The following PGBD5 variants were observed in gnomAD, a reference collection of about 807,000 sequenced individuals.
The protein encoded by PGBD5 is piggyBac transposable element-derived protein 5.
In PGBD5, 14 loss-of-function variants were observed where a neutral mutation model predicts 47.9. The ratio of observed to expected loss-of-function variants is 0.29; its 90% CI spans 0.19 to 0.46. The LOEUF is 0.46. Ranked by LOEUF, PGBD5 falls within the 20% of genes least tolerant of loss-of-function variation. PGBD5 has a pLI of 1.00. For missense variants in PGBD5, 635 were observed against 716.0 expected (o/e 0.89, Z 1.29); for synonymous variants, 316 against 306.3 (o/e 1.03, Z -0.33).
intron 1 of PGBD5, among the ~76,000 whole-genome samples, chr1:230,422,091 A>AACAC (rs1049190488): frequency 6.6e-6 from 1 of 152,038 alleles, no homozygotes; most frequent in Non-Finnish European, 1.5e-5. Context: ...ATGGGGGGAA[A>AACAC]ACACACACAT....
chr1:230,337,439 T>C lies in PGBD5; in HGVS notation c.895-151A>G, dbSNP rs1289634844. ...TCATCTTTTCAGCTCACAGGGACTCTAGGTCACCCCCAAGCACACCCCGTG... is the reference window on the plus strand; with the variant it reads ...TCATCTTTTCAGCTCACAGGGACTCCAGGTCACCCCCAAGCACACCCCGTG... On this transcript the variant is annotated intron_variant, in intron 3 of 6. Coordinates refer to ENST00000391860, the MANE Select transcript of PGBD5 (RefSeq NM_001258311.2). 3 of 792,724 alleles carry C rather than the reference T, an allele frequency of 3.8e-6. No homozygotes were observed. The African/African-American group carries it at 5.3e-5, about 14-fold the overall frequency. 49.1% of individuals were successfully genotyped at this position (792,724 alleles called of 1,614,324 possible).
chr1:230,355,868 A>C (rs1037452484), intron 2 of PGBD5, among the ~76,000 whole-genome samples: 7 of 152,204 alleles, frequency 4.6e-5, no homozygotes, highest in Non-Finnish European at 8.8e-5. Flanking sequence ...AGAACGATCC[A>C]GAGAGAATGT....
At chr1:230,398,634 CAG>C (rs1453637919) in intron 1 of PGBD5, among the ~76,000 whole-genome samples, 1 of 152,218 alleles carries the variant, frequency 6.6e-6, no homozygotes, top group Non-Finnish European at 1.5e-5. Flanking sequence ...GAACTAGAGA[CAG>C]GGGTCTTGGG....
chr1:230,388,559 G>A (rs1195451980), intron 1 of PGBD5, among the ~76,000 whole-genome samples: 1 of 152,096 alleles, frequency 6.6e-6, no homozygotes, highest in Non-Finnish European at 1.5e-5. Flanking sequence ...GGGACTACAG[G>A]CGCCCGCCAC....
intron 1 of PGBD5, among the ~76,000 whole-genome samples, chr1:230,367,532 T>A (rs1048458547): frequency 6.6e-6 from 1 of 151,690 alleles, no homozygotes; most frequent in African/African-American, 2.4e-5. Flanking sequence ...TGATACCCCA[T>A]CTCTACACAC....
chr1:230,394,427 T>C (rs1230670704), intron 1 of PGBD5, among the ~76,000 whole-genome samples: 1 of 142,278 alleles, frequency 7.0e-6, no homozygotes, highest in Non-Finnish European at 1.5e-5. Flanking sequence ...ACCCCACCTC[T>C]GCTCCCCAAG....
At chr1:230,325,558 G>C (rs1328972781) in intron 5 of PGBD5, 143 bp from the exon 6 acceptor site, 1 of 651,456 alleles carries the variant, frequency 1.5e-6, no homozygotes, top group Non-Finnish European at 2.7e-6. Flanking sequence ...AGTTGAAGAA[G>C]AACAATCAGC....
intron 1 of PGBD5, among the ~76,000 whole-genome samples, chr1:230,409,426 C>T (rs531161823): frequency 6.6e-6 from 1 of 152,238 alleles, no homozygotes; most frequent in South Asian, 2.1e-4. Flanking sequence ...TGCCATTATT[C>T]ATAATAGCCA....
At position 230,323,250 on chromosome 1, in the gene PGBD5, A is replaced by C; in HGVS notation, c.*175T>G. ...ACATGCTCTTCTTGGAATGCAAATG[A>C]GGACAGCAACCGTCCTCTGACCAGG... On this transcript the variant is annotated 3_prime_UTR_variant, in exon 7 of 7. Coordinates refer to ENST00000391860, the MANE Select transcript of PGBD5 (RefSeq NM_001258311.2). The surrounding 1 kb of genome is among the most constrained non-coding windows in gnomAD (Gnocchi z 4.1). 1 of 658,740 alleles carries C rather than the reference A, an allele frequency of 1.5e-6. No homozygotes were observed. The highest frequency in any genetic ancestry group is 2.5e-6 in the Non-Finnish European group (1 of 398,502). 40.8% of individuals were successfully genotyped at this position (658,740 alleles called of 1,614,324 possible). A position where few individuals can be genotyped will look rare whatever the true frequency, so the allele number is the denominator to read the frequency against.
At chr1:230,410,971 G>A (rs1376912298) in intron 1 of PGBD5, among the ~76,000 whole-genome samples, 1 of 151,966 alleles carries the variant, frequency 6.6e-6, no homozygotes, top group Non-Finnish European at 1.5e-5. Context: ...GGTAGGGGAA[G>A]AGTAAAGGAA....
intron 3 of PGBD5, 142 bp downstream of exon 3, chr1:230,350,816 C>T (rs972534439): frequency 8.4e-5 from 105 of 1,256,602 alleles, no homozygotes; most frequent in Middle Eastern, 2.8e-4. Context: ...CCCTGGCCTC[C>T]GCAGGAGCAT....
At chr1:230,397,989 A>C (rs915420868) in intron 1 of PGBD5, among the ~76,000 whole-genome samples, 2 of 152,222 alleles carry the variant, frequency 1.3e-5, no homozygotes, top group African/African-American at 4.8e-5. Context: ...CCCCTCTCAC[A>C]GATCTGCAAG....
intron 4 of PGBD5, among the ~76,000 whole-genome samples, chr1:230,336,838 C>CAAAG (rs10647638): frequency 0.92 from 140,183 of 152,064 alleles, 65,673 homozygotes; most frequent in East Asian, 1. Context: ...AGGGGACACA[C>CAAAG]AAATGCCCCG....
At position 230,425,497 on chromosome 1, in the gene PGBD5, CA is replaced by C; in HGVS notation, c.331+100del. ...TGTTTCCGGAGAGACACCCACAAGC[CA>C]GCCCACGGAGAGTCTGGACTCGCCC... is the stretch of plus-strand genomic sequence containing the variant. On this transcript the variant is annotated intron_variant, in intron 1 of 6. Transcript: ENST00000391860. This position sits in a 1 kb window ranked among gnomAD's most constrained non-coding sequence, Gnocchi z 4.7. 1 of 905,956 alleles carries C rather than the reference CA, an allele frequency of 1.1e-6. No homozygotes were observed. The allele number at this position is 905,956 out of a possible 1,614,324, so 56.1% of individuals were successfully genotyped here. A position where few individuals can be genotyped will look rare whatever the true frequency, so the allele number is the denominator to read the frequency against.
At chr1:230,411,271 C>T (rs993237158) in intron 1 of PGBD5, among the ~76,000 whole-genome samples, 4 of 152,118 alleles carry the variant, frequency 2.6e-5, no homozygotes, top group African/African-American at 9.7e-5. Flanking sequence ...CAACAGAGCA[C>T]AGACCCCCAT....
intron 1 of PGBD5, among the ~76,000 whole-genome samples, chr1:230,413,344 C>T (rs189389209): frequency 6.6e-6 from 1 of 152,084 alleles, no homozygotes; most frequent in East Asian, 1.9e-4. Flanking sequence ...AGCAGAATTT[C>T]GAGCAAAAAA....
At chr1:230,345,649 T>A (rs1169382732) in intron 3 of PGBD5, among the ~76,000 whole-genome samples, 2 of 152,210 alleles carry the variant, frequency 1.3e-5, no homozygotes, top group Non-Finnish European at 2.9e-5. Flanking sequence ...CAGTAGAAAT[T>A]TCTTCAAATG....
chr1:230,356,492 C>T (rs1477733613), intron 2 of PGBD5, among the ~76,000 whole-genome samples: 1 of 152,164 alleles, frequency 6.6e-6, no homozygotes, highest in Non-Finnish European at 1.5e-5. Flanking sequence ...AGGCTCACTC[C>T]CTCTGCCACC....
intron 1 of PGBD5, among the ~76,000 whole-genome samples, chr1:230,411,046 G>A (rs1361079543): frequency 6.6e-6 from 1 of 152,122 alleles, no homozygotes; most frequent in Non-Finnish European, 1.5e-5. Context: ...GGAGGCTGAA[G>A]TGGGAAGACT....
Sources: allele counts gnomAD v4.1 joint callset (sites outside exome capture counted in the v4.1 genomes callset), GRCh38; gene constraint gnomAD v4.1.1; non-coding constraint Gnocchi (gnomAD v3.1); transcripts MANE v1.5; gene names NCBI Gene and HGNC (gene_info 2026-07-23, HGNC 2026-07-21).